PPP2R2B: variants seen among roughly 807,000 people sequenced by gnomAD.
PPP2R2B encodes the protein protein phosphatase 2 regulatory subunit Bbeta, also known as serine/threonine-protein phosphatase 2A 55 kDa regulatory subunit B beta isoform.
In PPP2R2B, 5 loss-of-function variants were observed where a neutral mutation model predicts 46.0. The ratio of observed to expected loss-of-function variants is 0.11; its 90% CI spans 0.06 to 0.23. The LOEUF (loss-of-function observed/expected upper bound fraction) is 0.23. Among genes scored for constraint, PPP2R2B ranks in the 10% least tolerant of loss-of-function variants. PPP2R2B has a pLI of 1.00. For missense variants in PPP2R2B, 367 were observed against 575.0 expected, an observed-to-expected ratio of 0.64 and a Z score of 3.70; for synonymous variants, 215 against 206.7, an observed-to-expected ratio of 1.04 and a Z score of -0.34.
At chr5:146,921,035 G>C (rs1371250322) in intron 1 of PPP2R2B, among the ~76,000 whole-genome samples, 3 of 152,160 alleles carry the variant, frequency 2.0e-5, no homozygotes, top group Non-Finnish European at 4.4e-5. Context: ...GGTACAGTAT[G>C]TTGTCTCTGG....
intron 2 of PPP2R2B, among the ~76,000 whole-genome samples, chr5:146,821,511 TC>T (rs1392924599): frequency 2.0e-5 from 3 of 152,224 alleles, no homozygotes; most frequent in Admixed American, 2.0e-4. Flanking sequence ...TAGCCCTGCC[TC>T]TAGGCTTAGC....
chr5:146,627,803 G>T (rs1774159869), intron 7 of PPP2R2B, among the ~76,000 whole-genome samples: 1 of 152,010 alleles, frequency 6.6e-6, no homozygotes, highest in Non-Finnish European at 1.5e-5. Flanking sequence ...TTCAAAAATA[G>T]TACCCTCCCC....
intron 1 of PPP2R2B, among the ~76,000 whole-genome samples, chr5:147,054,301 C>T (rs998124479): frequency 1.3e-5 from 2 of 152,134 alleles, no homozygotes; most frequent in Non-Finnish European, 2.9e-5. Flanking sequence ...TTCTCTATGG[C>T]TTTAGATCTT....
At chr5:146,677,386 T>C (rs1360605174) in intron 5 of PPP2R2B, among the ~76,000 whole-genome samples, 1 of 152,214 alleles carries the variant, frequency 6.6e-6, no homozygotes, top group Non-Finnish European at 1.5e-5. Flanking sequence ...GGATTGACTG[T>C]AATGTTAGGC....
chr5:146,697,542 G>GTT (rs1779249072), intron 4 of PPP2R2B, among the ~76,000 whole-genome samples: 1 of 152,136 alleles, frequency 6.6e-6, no homozygotes, highest in African/African-American at 2.4e-5. Flanking sequence ...GTTAATTTTT[G>GTT]TCAGAGAGAC....
upstream of PPP2R2B, among the ~76,000 whole-genome samples, chr5:147,060,578 C>T (rs921906519): frequency 2.6e-5 from 4 of 152,048 alleles, no homozygotes; most frequent in African/African-American, 9.7e-5. Context: ...CCGTGATCCA[C>T]GTTCACACCA....
At chr5:146,617,193 T>C (rs931771025) in intron 7 of PPP2R2B, among the ~76,000 whole-genome samples, 3 of 151,684 alleles carry the variant, frequency 2.0e-5, no homozygotes, top group East Asian at 1.9e-4. Context: ...TTCATGGAGA[T>C]AGAGAGTAGA....
intron 2 of PPP2R2B, among the ~76,000 whole-genome samples, chr5:146,864,762 A>G (rs1761210881): frequency 6.6e-6 from 1 of 152,206 alleles, no homozygotes; most frequent in Non-Finnish European, 1.5e-5. Context: ...CAATGGGATC[A>G]AATTAAAATT....
At chr5:146,884,994 T>C (rs371571081) in intron 1 of PPP2R2B, among the ~76,000 whole-genome samples, 2 of 152,210 alleles carry the variant, frequency 1.3e-5, no homozygotes, top group Non-Finnish European at 2.9e-5. Flanking sequence ...TAAAGAACAT[T>C]GCTTATAATC....
At chr5:146,834,784 C>A (rs1370695271) in intron 2 of PPP2R2B, among the ~76,000 whole-genome samples, 1 of 152,084 alleles carries the variant, frequency 6.6e-6, no homozygotes, top group Non-Finnish European at 1.5e-5. Flanking sequence ...CCATCCTTCC[C>A]CTTCAAGCAG....
intron 7 of PPP2R2B, among the ~76,000 whole-genome samples, chr5:146,615,531 GAAA>G (rs1253673718): frequency 9.0e-6 from 1 of 111,178 alleles, no homozygotes; most frequent in Non-Finnish European, 1.9e-5. Flanking sequence ...AAAAAAAAAA[GAAA>G]AAAAAAACTA....
chr5:146,881,981 G>A (rs150779336), upstream of PPP2R2B, among the ~76,000 whole-genome samples: 8 of 152,034 alleles, frequency 5.3e-5, no homozygotes, highest in East Asian at 1.6e-3. Context: ...AAGCAATTAT[G>A]TAAAGAATTA....
intron 1 of PPP2R2B, among the ~76,000 whole-genome samples, chr5:146,896,276 ACATTAACTCTAT>A (rs1762641423): frequency 6.6e-6 from 1 of 152,180 alleles, no homozygotes; most frequent in Non-Finnish European, 1.5e-5. Context: ...CTTTATGCTC[ACATTAACTCTAT>A]CTCTCACCAT....
At chr5:146,839,376 C>T (rs1239149527) in intron 2 of PPP2R2B, among the ~76,000 whole-genome samples, 4 of 152,000 alleles carry the variant, frequency 2.6e-5, no homozygotes, top group Non-Finnish European at 4.4e-5. Flanking sequence ...CAAAATTAGC[C>T]GGGCATGGTG....
intron 2 of PPP2R2B, among the ~76,000 whole-genome samples, chr5:146,811,337 C>T (rs1296290143): frequency 6.6e-6 from 1 of 152,108 alleles, no homozygotes; most frequent in Admixed American, 6.5e-5. Flanking sequence ...TAAGTGTTTT[C>T]CTTGGCTCAT....
At chr5:146,950,233 T>TA (rs1764609828) in intron 1 of PPP2R2B, among the ~76,000 whole-genome samples, 1 of 152,020 alleles carries the variant, frequency 6.6e-6, no homozygotes. Flanking sequence ...ATGTACCTCA[T>TA]AAATATATAT....
intron 1 of PPP2R2B, among the ~76,000 whole-genome samples, chr5:147,006,237 T>C (rs1448379097): frequency 2.0e-5 from 3 of 152,180 alleles, no homozygotes. Flanking sequence ...TAATAATTGG[T>C]CTGCTCAAAC....
At chr5:146,881,745 T>C (rs1454107126), upstream of PPP2R2B, among the ~76,000 whole-genome samples, 1 of 152,180 alleles carries the variant, frequency 6.6e-6, no homozygotes, top group African/African-American at 2.4e-5. Flanking sequence ...AACTGTCACT[T>C]AGTAGATGCT....
rs78332175 is a variant in PPP2R2B at position 146,838,278 on chromosome 5, A to C, written c.70+39724T>G. Among the ~76,000 whole-genome samples the C allele has an allele frequency of 5.4e-3, 819 of 152,182 alleles. 3 individuals are homozygous for C. Among genetic ancestry groups the C allele is most frequent in the Non-Finnish European group, 8.7e-3 (593 of 67,974 alleles). On this transcript the variant is annotated intron_variant, in intron 2 of 9. Coordinates refer to ENST00000394411, the MANE Select transcript of PPP2R2B (RefSeq NM_181675.4). ...GTTAGGGGATTTCCCAAGGTTACAG[A>C]CTTAGAAGGAAGGAAGGGAGGCCGG...
Sources: allele counts gnomAD v4.1 joint callset (sites outside exome capture counted in the v4.1 genomes callset), GRCh38; gene constraint gnomAD v4.1.1; transcripts MANE v1.5; gene names NCBI Gene and HGNC (gene_info 2026-07-23, HGNC 2026-07-21).